Variants in MEP1B observed in about 807,000 individuals in gnomAD.
The protein encoded by MEP1B is N-benzoyl-L-tyrosyl-P-amino-benzoic acid hydrolase subunit beta.
MEP1B carries 80 observed loss-of-function variants against 84.6 expected under a neutral mutation model. The observed-to-expected ratio is 0.95, with a 90% confidence interval of 0.79 to 1.14. MEP1B has a LOEUF of 1.14. MEP1B is among the 50% of genes most tolerant of loss of function. MEP1B has a pLI of 0.00. For missense variants in MEP1B, 766 were observed against 855.1 expected (o/e 0.90, Z 1.30); for synonymous variants, 273 against 288.1 (o/e 0.95, Z 0.53).
chr18:32,218,266 T>A (rs956705903), intron 14 of MEP1B, among the ~76,000 whole-genome samples: 7 of 152,148 alleles, frequency 4.6e-5, no homozygotes, highest in African/African-American at 1.7e-4. Context: ...ACAACTGATT[T>A]TGCCTGAAAG....
chr18:32,216,191 T>C (rs2041088040), intron 12 of MEP1B, among the ~76,000 whole-genome samples: 1 of 152,060 alleles, frequency 6.6e-6, no homozygotes, highest in South Asian at 2.1e-4. Flanking sequence ...AGATTCTTGT[T>C]TGTGATGAAA....
In MEP1B at chr18:32,190,249, C is replaced by T. The variant is rs1885577080; in HGVS notation, c.63+116C>T. 8.0e-6 allele frequency: 6 copies of T among 751,100 alleles called. No homozygotes were observed. The Middle Eastern group carries it at 7.3e-4, about 91-fold the overall frequency. 46.5% of individuals were successfully genotyped at this position (751,100 alleles called of 1,614,324 possible). A position where few individuals can be genotyped will look rare whatever the true frequency, so the allele number is the denominator to read the frequency against. On this transcript the variant is annotated intron_variant, in intron 1 of 14. Coordinates refer to ENST00000269202, the MANE Select transcript of MEP1B (RefSeq NM_005925.3). Reference sequence around the variant, plus strand: ...TTTATACATCTTGAAATGTTGATCTCAAATGAGTGTTTCTTCTTGGAGATT... The same window carrying T: ...TTTATACATCTTGAAATGTTGATCTTAAATGAGTGTTTCTTCTTGGAGATT...
intron 10 of MEP1B, among the ~76,000 whole-genome samples, chr18:32,211,276 A>G (rs1452286507): frequency 6.6e-6 from 1 of 152,156 alleles, no homozygotes; most frequent in Non-Finnish European, 1.5e-5. Context: ...CTCTGAAAAA[A>G]TAAATAAAAT....
intron 9 of MEP1B, 146 bp downstream of exon 9, chr18:32,208,417 C>T (rs2040988742): frequency 1.2e-6 from 1 of 807,042 alleles, no homozygotes; most frequent in Admixed American, 3.2e-5. Context: ...AGGCCTTGCA[C>T]CTGATAAAGA....
Position 32,195,403 on chromosome 18 carries a change from AC to A in MEP1B, c.172-3del. The A allele has an allele frequency of 6.3e-7, 1 of 1,598,614 alleles. No homozygotes were observed. Among genetic ancestry groups the A allele is most frequent in the African/African-American group, 1.3e-5 (1 of 74,672 alleles). ...ACTAGCCCTTTTGCATTTATTTTTGACAGGCACAAATTAGAAATTCCATCAT... is the reference window on the plus strand; with the variant it reads ...ACTAGCCCTTTTGCATTTATTTTTGAAGGCACAAATTAGAAATTCCATCAT... On this transcript the variant is annotated splice_polypyrimidine_tract_variant and splice_region_variant and intron_variant, in intron 4 of 14. Coordinates refer to ENST00000269202, the MANE Select transcript of MEP1B (RefSeq NM_005925.3).
chr18:32,193,854 G>A (rs369210888), intron 4 of MEP1B, among the ~76,000 whole-genome samples: 12 of 152,132 alleles, frequency 7.9e-5, no homozygotes, highest in African/African-American at 2.9e-4. Context: ...CCTTCGTCCA[G>A]GGATTCAAAT....
intron 9 of MEP1B, 72 bp downstream of exon 9, chr18:32,208,343 G>A: frequency 1.5e-6 from 2 of 1,355,822 alleles, no homozygotes; most frequent in Non-Finnish European, 2.0e-6. Context: ...TGAAAGAATG[G>A]GATTTTATCT....
intron 11 of MEP1B, 63 bp downstream of exon 11, chr18:32,213,622 T>C: frequency 7.5e-7 from 1 of 1,325,580 alleles, no homozygotes. Context: ...ACTGATAATT[T>C]TGGGAATGAG....
At position 32,204,308 on chromosome 18, in the gene MEP1B, G is replaced by C; in HGVS notation, c.495G>C (p.Ser165=). 1 of 1,603,468 alleles carries C rather than the reference G, an allele frequency of 6.2e-7. No homozygotes were observed. Among genetic ancestry groups the C allele is most frequent in the Non-Finnish European group, 8.5e-7 (1 of 1,175,330 alleles). The change falls in exon 7 of 15, where the codon TCG becomes TCC. Residue 165 remains serine, a synonymous_variant. Transcript: ENST00000269202. ...CTCTGGGATTCTGGCATGAGCAGTCGCGTTCTGACCGGGATGACTATGTCA... is the reference window on the plus strand; with the variant it reads ...CTCTGGGATTCTGGCATGAGCAGTCCCGTTCTGACCGGGATGACTATGTCA... The part of the protein sequence containing the change: ...LHALGFWHEQ[S]RSDRDDYVRI...
chr18:32,201,558 T>C (rs8096290), intron 5 of MEP1B, among the ~76,000 whole-genome samples: 20,530 of 152,194 alleles, frequency 0.13, 2,314 homozygotes, highest in African/African-American at 0.31. Flanking sequence ...GATGACATAA[T>C]ATTTAGTGAA....
Position 32,207,308 on chromosome 18 carries a change from C to A in MEP1B, c.604C>A (p.Pro202Thr), listed in dbSNP as rs765905825. Residue 202 changes from proline to threonine, a missense_variant, in exon 8 of 15, where the codon CCC (proline) becomes ACC (threonine). Physicochemically the swap from Pro to Thr is conservative, Grantham distance 38. Transcript: ENST00000269202. Reference sequence around the variant, plus strand: ...CGATATATCAGATTCCCTGAATGTTCCCTATGATTACACTTCAGTAATGCA... The same window carrying A: ...CGATATATCAGATTCCCTGAATGTTACCTATGATTACACTTCAGTAATGCA... ...SDDISDSLNV[P>T]YDYTSVMHYS... is the part of the protein sequence containing the mutation. The A allele has an allele frequency of 6.2e-7, 1 of 1,613,070 alleles. No homozygotes were observed. Among genetic ancestry groups the A allele is most frequent in the South Asian group, 1.1e-5 (1 of 90,944 alleles).
intron 12 of MEP1B, 105 bp downstream of exon 12, chr18:32,215,366 G>A (rs961966761): frequency 1.4e-5 from 9 of 636,934 alleles, no homozygotes; most frequent in South Asian, 3.2e-5. Context: ...GTATTATATA[G>A]AGATGTGGGG....
chr18:32,206,440 T>G (rs964624613), intron 7 of MEP1B, among the ~76,000 whole-genome samples: 4 of 150,988 alleles, frequency 2.6e-5, no homozygotes, highest in Non-Finnish European at 4.4e-5. Context: ...CTTTTTTTTT[T>G]TTTTTTTGAG....
At chr18:32,215,296 T>C (rs1272671766) in intron 12 of MEP1B, 35 bp downstream of exon 12, 13 of 1,393,678 alleles carry the variant, frequency 9.3e-6, no homozygotes, top group Middle Eastern at 4.3e-4. Flanking sequence ...ATAAACTAGT[T>C]TTTTTTTGTT....
In MEP1B at chr18:32,196,252, T is replaced by C; in HGVS notation, c.250+767T>C. 1.4e-6 allele frequency: 1 copy of C among 704,456 alleles called. No homozygotes were observed. The highest frequency in any genetic ancestry group is 2.7e-6 in the Non-Finnish European group (1 of 375,252). The allele number at this position is 704,456 out of a possible 1,614,324, so 43.6% of individuals were successfully genotyped here. A position where few individuals can be genotyped will look rare whatever the true frequency, so the allele number is the denominator to read the frequency against. On this transcript the variant is annotated intron_variant, in intron 5 of 14. Transcript: ENST00000269202. This position sits in a 1 kb window ranked among gnomAD's most constrained non-coding sequence, Gnocchi z 4.4. ...GATGCCATTGATGCCTTTGAACTGC[T>C]CCAAGACGCTGGCCATGCTGGGGGC...
At chr18:32,197,391 T>C (rs1011938717) in intron 5 of MEP1B, among the ~76,000 whole-genome samples, 2 of 142,928 alleles carry the variant, frequency 1.4e-5, no homozygotes, top group African/African-American at 5.1e-5. Context: ...TTTTTAATTT[T>C]ATTTTTCATT....
chr18:32,195,910 T>C (rs1402586567), intron 5 of MEP1B: 2 of 252,510 alleles, frequency 7.9e-6, no homozygotes, highest in African/African-American at 2.3e-5. Flanking sequence ...GGGTGAAACA[T>C]GGAAGAAGAG....
rs762294942 is a variant in MEP1B, at chr18:32,207,520, G to GA, written c.766+56dup. The stretch of plus-strand genomic sequence containing the variant: ...ACTTATATTTTCCGCTGTTATGTAG[G>GA]AAAAAATGATGGTCTGTGCCATTTT... On this transcript the variant is annotated intron_variant, in intron 8 of 14. Coordinates refer to ENST00000269202, the MANE Select transcript of MEP1B (RefSeq NM_005925.3). 6.9e-6 allele frequency: 9 copies of GA among 1,308,030 alleles called. No homozygotes were observed. In the South Asian group the frequency reaches 8.8e-5, roughly 13 times the overall value. 81.0% of individuals were successfully genotyped at this position (1,308,030 alleles called of 1,614,324 possible).
chr18:32,192,396 TCC>T (rs2040810358), intron 2 of MEP1B, among the ~76,000 whole-genome samples: 1 of 152,090 alleles, frequency 6.6e-6, no homozygotes, highest in Non-Finnish European at 1.5e-5. Context: ...AATTTCTTAT[TCC>T]CGAAGTCATT....
Sources: gnomAD v4.1 joint callset for allele counts (sites outside exome capture counted in the v4.1 genomes callset) on GRCh38, gnomAD v4.1.1 for gene constraint, Gnocchi (gnomAD v3.1) non-coding constraint, MANE v1.5 for transcripts, NCBI Gene and HGNC (gene_info 2026-07-23, HGNC 2026-07-21) for gene names.